Variants in TECRL observed in about 807,000 individuals in gnomAD.
TECRL encodes the protein trans-2,3-enoyl-CoA reductase like, also known as trans-2,3-enoyl-CoA reductase-like.
In TECRL, 63 loss-of-function variants were observed where a neutral mutation model predicts 52.8. That is an observed-to-expected ratio of 1.19 (90% CI 0.97 to 1.47). The LOEUF is 1.47. Ranked by LOEUF, TECRL falls within the 40% of genes most tolerant of loss-of-function variation. The pLI, the probability that TECRL is intolerant of heterozygous loss-of-function variation, is 0.00. For missense variants in TECRL, 482 were observed against 429.6 expected (o/e 1.12, Z -1.08); for synonymous variants, 164 against 141.9 (o/e 1.16, Z -1.10).
chr4:64,399,142 A>G (rs1178223338), intron 1 of TECRL, among the ~76,000 whole-genome samples: 3 of 85,390 alleles, frequency 3.5e-5, no homozygotes, highest in Non-Finnish European at 6.5e-5. Context: ...GATAAAGAAG[A>G]GGCTTTACTG....
intron 2 of TECRL, among the ~76,000 whole-genome samples, chr4:64,347,102 A>C (rs1720044855): frequency 6.6e-6 from 1 of 152,166 alleles, no homozygotes; most frequent in Non-Finnish European, 1.5e-5. Context: ...CTGCCTTTAC[A>C]ATCCTGAATT....
At chr4:64,399,569 G>A (rs577508632) in intron 1 of TECRL, among the ~76,000 whole-genome samples, 1 of 152,140 alleles carries the variant, frequency 6.6e-6, no homozygotes, top group Non-Finnish European at 1.5e-5. Context: ...AGGCCTGGGA[G>A]AACAGAATGG....
chr4:64,379,247 TACACACACACACACACAC>T (rs4034911), intron 1 of TECRL, among the ~76,000 whole-genome samples: 3 of 145,324 alleles, frequency 2.1e-5, no homozygotes, highest in Non-Finnish European at 3.0e-5. Flanking sequence ...CACACACACA[TACACACACACACACACAC>T]ACACACACAC....
intron 1 of TECRL, among the ~76,000 whole-genome samples, chr4:64,389,380 ATTTTC>A (rs1421431003): frequency 6.6e-6 from 1 of 151,718 alleles, no homozygotes; most frequent in Non-Finnish European, 1.5e-5. Context: ...AAATTGTGTG[ATTTTC>A]TTTACTTTAT....
intron 2 of TECRL, among the ~76,000 whole-genome samples, chr4:64,358,413 C>CAAGCAA (rs1196009284): frequency 4.0e-5 from 6 of 151,620 alleles, no homozygotes; most frequent in Non-Finnish European, 1.5e-5. Context: ...TATTGCACAT[C>CAAGCAA]AAGCAAAAGT....
At chr4:64,394,370 G>C (rs1723774282) in intron 1 of TECRL, among the ~76,000 whole-genome samples, 2 of 152,160 alleles carry the variant, frequency 1.3e-5, no homozygotes, top group Non-Finnish European at 2.9e-5. Context: ...AATTTTATTA[G>C]TGTCTTTTGA....
At chr4:64,330,157 C>T (rs1718539172) in intron 2 of TECRL, among the ~76,000 whole-genome samples, 1 of 151,986 alleles carries the variant, frequency 6.6e-6, no homozygotes, top group Admixed American at 6.6e-5. Flanking sequence ...TTAGCAACAC[C>T]TGATTATGCA....
chr4:64,354,263 C>A (rs1386172392), intron 2 of TECRL, among the ~76,000 whole-genome samples: 1 of 151,994 alleles, frequency 6.6e-6, no homozygotes, highest in Non-Finnish European at 1.5e-5. Flanking sequence ...GTAGAAAAAA[C>A]AAGATCAAAG....
rs142329035 is a variant in TECRL at position 64,351,970 on chromosome 4, T to G, written c.286+23202A>C. On this transcript the variant is annotated intron_variant, in intron 2 of 11. Transcript: ENST00000381210. ...CCTTAATGCAAAATAAGCATTTATG[T>G]TAAGCATTTGGATCAAGGCCTACCT... is the stretch of plus-strand genomic sequence containing the variant. 1.6e-3 allele frequency among the ~76,000 whole-genome samples: 240 copies of G among 148,216 alleles called. 1 individual carries two copies. Among genetic ancestry groups the G allele is most frequent in the African/African-American group, 5.6e-3 (227 of 40,810 alleles).
At chr4:64,299,734 A>T (rs1014907659) in intron 8 of TECRL, among the ~76,000 whole-genome samples, 3 of 150,942 alleles carry the variant, frequency 2.0e-5, no homozygotes, top group African/African-American at 7.3e-5. Context: ...TCAAATATTT[A>T]TTGTATTTCA....
chr4:64,352,894 T>C (rs946844154), intron 2 of TECRL, among the ~76,000 whole-genome samples: 7 of 152,224 alleles, frequency 4.6e-5, no homozygotes, highest in African/African-American at 7.2e-5. Context: ...ATTTATTTAT[T>C]ATTGTTTTTA....
intron 1 of TECRL, among the ~76,000 whole-genome samples, chr4:64,395,016 G>T (rs1017708386): frequency 6.9e-6 from 1 of 145,332 alleles, no homozygotes; most frequent in Non-Finnish European, 1.5e-5. Flanking sequence ...GGGTTCAAAT[G>T]ATTCTTCTGC....
In TECRL at chr4:64,280,182, G is replaced by A. The variant is rs747887358; in HGVS notation, c.982C>T (p.Leu328=). The change falls in exon 12 of 12, where the codon CTG becomes TTG. Residue 328 remains leucine (L), a synonymous_variant. Transcript: ENST00000381210. ...CACAAAGACATCTGGATACTCATCA[G>A]AAGTGTAAAAATTCCAACTAGAAGA... ...QTLPVGIFTL[L]MSIQMSLWAQ... The A allele has an allele frequency of 1.3e-6, 2 of 1,533,442 alleles. No homozygotes were observed. The highest frequency in any genetic ancestry group is 2.7e-5 in the South Asian group (2 of 75,262). The allele number at this position is 1,533,442 out of a possible 1,614,324, so 95.0% of individuals were successfully genotyped here.
chr4:64,365,650 TACCTGGG>T (rs1721542886), intron 2 of TECRL, among the ~76,000 whole-genome samples: 1 of 151,786 alleles, frequency 6.6e-6, no homozygotes, highest in Non-Finnish European at 1.5e-5. Flanking sequence ...AAAATATAAA[TACCTGGG>T]ACTATAGCTA....
At chr4:64,301,596 G>A (rs1313717323) in intron 7 of TECRL, among the ~76,000 whole-genome samples, 1 of 151,128 alleles carries the variant, frequency 6.6e-6, no homozygotes, top group Non-Finnish European at 1.5e-5. Flanking sequence ...TGTTAAAATT[G>A]ATAAGTGCTA....
intron 1 of TECRL, among the ~76,000 whole-genome samples, chr4:64,381,863 G>A (rs1722816094): frequency 6.6e-6 from 1 of 152,038 alleles, no homozygotes; most frequent in Non-Finnish European, 1.5e-5. Context: ...ATTTGCGTGT[G>A]TGTGTGTGTG....
Position 64,401,429 on chromosome 4 carries a change from A to G in TECRL, c.234+7689T>C, listed in dbSNP as rs115759083. On this transcript the variant is annotated intron_variant, in intron 1 of 11. Coordinates refer to ENST00000381210, the MANE Select transcript of TECRL (RefSeq NM_001010874.5). Reference sequence around the variant, plus strand: ...CTCAACCAGGCTAATGTTCTATACTATATACTTTTCAAGATCCTTTCAAGT... The same window carrying G: ...CTCAACCAGGCTAATGTTCTATACTGTATACTTTTCAAGATCCTTTCAAGT... Among the ~76,000 whole-genome samples the G allele has an allele frequency of 3.7e-3, 564 of 152,244 alleles. 4 individuals carry two copies. Among genetic ancestry groups the G allele is most frequent in the African/African-American group, 0.013 (545 of 41,544 alleles).
chr4:64,340,298 C>G lies in TECRL; in HGVS notation c.287-11742G>C, dbSNP rs1577900471. On this transcript the variant is annotated intron_variant, in intron 2 of 11. Transcript: ENST00000381210. ...TCCATGGAGCAGGCATGACAATCAC[C>G]CCACCGAACACAGCTGCAGCCACCC... Among the ~76,000 whole-genome samples the G allele has an allele frequency of 4.6e-5, 7 of 152,312 alleles. No homozygotes were observed. The South Asian group carries it at 1.4e-3, about 32-fold the overall frequency.
At chr4:64,374,066 T>TAGTAGATAC (rs1303639523) in intron 2 of TECRL, among the ~76,000 whole-genome samples, 8,504 of 126,924 alleles carry the variant, frequency 0.067, 348 homozygotes, top group East Asian at 0.15. Context: ...TATATATATA[T>TAGTAGATAC]ATATATATAT....
Sources: gnomAD v4.1 joint callset for allele counts (sites outside exome capture counted in the v4.1 genomes callset) on GRCh38, gnomAD v4.1.1 for gene constraint, MANE v1.5 for transcripts, NCBI Gene and HGNC (gene_info 2026-07-23, HGNC 2026-07-21) for gene names.